The following PABPC4L variants were observed in gnomAD, a reference collection of about 807,000 sequenced individuals.
PABPC4L encodes polyadenylate-binding protein 4-like.
For missense variants in PABPC4L, 452 were observed against 451.4 expected, an observed-to-expected ratio of 1.00 and a Z score of -0.01; for synonymous variants, 169 against 164.1, an observed-to-expected ratio of 1.03 and a Z score of -0.23.
chr4:134,056,835 C>T, the PABPC4L span, among the ~76,000 whole-genome samples: 1 of 151,814 alleles, frequency 6.6e-6, no homozygotes, highest in Non-Finnish European at 1.5e-5. Context: ...ATAATAAGGA[C>T]AGTTTTGTTT....
chr4:134,100,187 A>G, the PABPC4L span, among the ~76,000 whole-genome samples: 1 of 151,726 alleles, frequency 6.6e-6, no homozygotes, highest in Non-Finnish European at 1.5e-5. Context: ...AACTCCAAGC[A>G]TCAGCACATG....
chr4:134,119,240 G>A, the PABPC4L span, among the ~76,000 whole-genome samples: 2 of 151,666 alleles, frequency 1.3e-5, no homozygotes, highest in Admixed American at 6.6e-5. Context: ...AAAAACAAGC[G>A]ACAGTGACTG....
chr4:134,121,183 TA>T, the PABPC4L span, among the ~76,000 whole-genome samples: 6 of 151,374 alleles, frequency 4.0e-5, no homozygotes, highest in African/African-American at 1.4e-4. Flanking sequence ...TATTATCTCA[TA>T]AAAGTCTTAA....
the PABPC4L span, among the ~76,000 whole-genome samples, chr4:134,068,990 G>T: frequency 1.3e-5 from 2 of 152,142 alleles, no homozygotes; most frequent in South Asian, 4.1e-4. Flanking sequence ...GATTACAGGT[G>T]TGAGCCACTG....
chr4:133,979,671 A>G, the PABPC4L span, among the ~76,000 whole-genome samples: 1 of 152,300 alleles, frequency 6.6e-6, no homozygotes, highest in South Asian at 2.1e-4. Flanking sequence ...AAAGAATACT[A>G]CTGAGAATAT....
the PABPC4L span, among the ~76,000 whole-genome samples, chr4:134,183,944 C>T: frequency 1.3e-5 from 2 of 151,140 alleles, no homozygotes; most frequent in African/African-American, 4.9e-5. Context: ...GTGTGTAGAA[C>T]TTAACAAGTT....
chr4:134,137,126 T>G, the PABPC4L span, among the ~76,000 whole-genome samples: 6 of 152,128 alleles, frequency 3.9e-5, no homozygotes, highest in East Asian at 1.2e-3. Context: ...AGTTTAAGAA[T>G]AGCCCTGAAG....
the PABPC4L span, among the ~76,000 whole-genome samples, chr4:133,968,707 AATAATACTCT>A: frequency 6.6e-6 from 1 of 152,174 alleles, no homozygotes. Flanking sequence ...AAAAGAAAAA[AATAATACTCT>A]ATATGACATA....
chr4:134,131,428 C>A, the PABPC4L span, among the ~76,000 whole-genome samples: 2 of 151,808 alleles, frequency 1.3e-5, no homozygotes, highest in African/African-American at 4.8e-5. Context: ...AAATGAAGAA[C>A]TCGATCCCTT....
the PABPC4L span, among the ~76,000 whole-genome samples, chr4:134,159,371 C>T: frequency 6.6e-6 from 1 of 152,048 alleles, no homozygotes; most frequent in African/African-American, 2.4e-5. Flanking sequence ...TAGTACCCGG[C>T]TGTAACAGAA....
the PABPC4L span, among the ~76,000 whole-genome samples, chr4:134,062,829 A>C: frequency 6.6e-6 from 1 of 152,134 alleles, no homozygotes; most frequent in Non-Finnish European, 1.5e-5. Context: ...GTTAGGAATA[A>C]AAATTCATGG....
At chr4:134,190,260 T>C in the PABPC4L span, among the ~76,000 whole-genome samples, 7 of 152,164 alleles carry the variant, frequency 4.6e-5, no homozygotes, top group African/African-American at 1.7e-4. Flanking sequence ...TGACACATAC[T>C]TCTCTGACAT....
At position 134,199,904 on chromosome 4, in the gene PABPC4L, T is replaced by C; in HGVS notation, c.*3A>G. ...ACTAGCTGGAAAGGTACGTTTTTCT[T>C]TCCTAGTGTCTCTGGGCCAAGGCAA... On this transcript the variant is annotated 3_prime_UTR_variant, in exon 2 of 2. Transcript: ENST00000421491. 6.4e-7 allele frequency: 1 copy of C among 1,550,986 alleles called. No individual in the cohort carries two copies. Among genetic ancestry groups the C allele is most frequent in the Non-Finnish European group, 8.7e-7 (1 of 1,146,796 alleles).
the PABPC4L span, among the ~76,000 whole-genome samples, chr4:134,055,447 A>G: frequency 6.8e-6 from 1 of 147,932 alleles, no homozygotes; most frequent in Non-Finnish European, 1.5e-5. Context: ...CACAAGCCAG[A>G]AAGAAAGGCC....
the PABPC4L span, among the ~76,000 whole-genome samples, chr4:134,027,946 T>TA: frequency 1.3e-5 from 2 of 152,154 alleles, no homozygotes; most frequent in African/African-American, 4.8e-5. Flanking sequence ...TGAGATATCA[T>TA]AATAAATTGT....
chr4:134,019,533 A>T, the PABPC4L span, among the ~76,000 whole-genome samples: 1 of 152,340 alleles, frequency 6.6e-6, no homozygotes, highest in Non-Finnish European at 1.5e-5. Flanking sequence ...CAGAGAAGAA[A>T]AACACCTTAA....
At chr4:134,052,277 T>G in the PABPC4L span, among the ~76,000 whole-genome samples, 8 of 152,058 alleles carry the variant, frequency 5.3e-5, no homozygotes, top group Admixed American at 2.0e-4. Context: ...TATTCTAAAT[T>G]TAAAGTTTAA....
At chr4:133,990,743 G>C in the PABPC4L span, among the ~76,000 whole-genome samples, 1 of 152,158 alleles carries the variant, frequency 6.6e-6, no homozygotes, top group Non-Finnish European at 1.5e-5. Flanking sequence ...GACCCCCCCA[G>C]TAGAGAGCAG....
the PABPC4L span, among the ~76,000 whole-genome samples, chr4:134,085,433 C>G: frequency 6.6e-6 from 1 of 152,020 alleles, no homozygotes. Context: ...AATATACACA[C>G]ATAATACACA....
Sources: allele counts gnomAD v4.1 joint callset (sites outside exome capture counted in the v4.1 genomes callset), GRCh38; gene constraint gnomAD v4.1.1; transcripts MANE v1.5; gene names NCBI Gene and HGNC (gene_info 2026-07-23, HGNC 2026-07-21).